The following NSD3 variants were observed in gnomAD, a reference collection of about 807,000 sequenced individuals.
NSD3 encodes nuclear receptor binding SET domain protein 3.
NSD3 carries 24 observed loss-of-function variants against 160.8 expected under a neutral mutation model. That is an observed-to-expected ratio of 0.15 (90% CI 0.11 to 0.21). The LOEUF is 0.21. Ranked by LOEUF, NSD3 falls within the 10% of genes least tolerant of loss-of-function variation. NSD3 has a pLI of 1.00. For missense variants in NSD3, 1,157 were observed against 1,735.9 expected, an observed-to-expected ratio of 0.67 and a Z score of 5.93; for synonymous variants, 520 against 600.0, an observed-to-expected ratio of 0.87 and a Z score of 1.95.
intron 2 of NSD3, among the ~76,000 whole-genome samples, chr8:38,341,005 A>G (rs1006738246): frequency 7.2e-5 from 11 of 152,030 alleles, no homozygotes; most frequent in African/African-American, 2.4e-4. Context: ...CCTAAAAACA[A>G]CAAATGCCTG....
chr8:38,358,030 G>T (rs1466036667), intron 1 of NSD3, among the ~76,000 whole-genome samples: 1 of 151,992 alleles, frequency 6.6e-6, no homozygotes, highest in South Asian at 2.1e-4. Flanking sequence ...AACTTCCAGA[G>T]GGAGTGTTAA....
Position 38,289,422 on chromosome 8 carries a change from T to C in NSD3, c.3202A>G (p.Arg1068Gly), listed in dbSNP as rs758954442. Residue 1068 changes from arginine to glycine, a missense_variant, in exon 18 of 24, where the codon AGA becomes GGA. Physicochemically the swap from Arg to Gly is moderately radical, Grantham distance 125. Coordinates refer to ENST00000317025, the MANE Select transcript of NSD3 (RefSeq NM_023034.2). Reference protein sequence around the residue: ...KEALEIEKNSRKPPPYKHIKA... With the variant: ...KEALEIEKNSGKPPPYKHIKA... ...ATGTGTTTGTAGGGAGGGGGTTTTC[T>C]TGAGTTTTTTTCAATCTCTAGGGCT... 1.2e-6 allele frequency: 2 copies of C among 1,613,790 alleles called. No individual in the cohort carries two copies. The highest frequency in any genetic ancestry group is 2.2e-5 in the East Asian group (1 of 44,874).
intron 7 of NSD3, among the ~76,000 whole-genome samples, chr8:38,322,520 A>C (rs1809814806): frequency 6.6e-6 from 1 of 152,210 alleles, no homozygotes; most frequent in African/African-American, 2.4e-5. Flanking sequence ...AAAAACGAAC[A>C]AAAAAATATT....
At chr8:38,294,702 G>A (rs1262896039) in intron 16 of NSD3, among the ~76,000 whole-genome samples, 10 of 152,130 alleles carry the variant, frequency 6.6e-5, no homozygotes, top group South Asian at 2.1e-4. Flanking sequence ...CTCTGGCCAA[G>A]TGTGGTGGCT....
chr8:38,305,980 ATG>A (rs1265136197), intron 12 of NSD3, among the ~76,000 whole-genome samples: 1 of 152,184 alleles, frequency 6.6e-6, no homozygotes, highest in Admixed American at 6.5e-5. Context: ...AAAGAGAAAA[ATG>A]GAAGCCAAAA....
chr8:38,332,899 G>T (rs190119077), intron 4 of NSD3, among the ~76,000 whole-genome samples: 150 of 152,244 alleles, frequency 9.9e-4, no homozygotes, highest in Non-Finnish European at 1.9e-3. Flanking sequence ...TGCAGGAACT[G>T]ATCTTTTCAG....
intron 14 of NSD3, among the ~76,000 whole-genome samples, chr8:38,300,167 ATATAT>A (rs1809246879): frequency 7.4e-6 from 1 of 134,586 alleles, no homozygotes. Flanking sequence ...TTTATATTAT[ATATAT>A]ATTTTTTGAG....
At chr8:38,361,887 G>A (rs1810976453) in intron 1 of NSD3, among the ~76,000 whole-genome samples, 1 of 151,900 alleles carries the variant, frequency 6.6e-6, no homozygotes, top group Admixed American at 6.6e-5. Context: ...GGCATTTTTG[G>A]CTTAGGAAAC....
At chr8:38,295,218 C>CA (rs1809106667) in intron 16 of NSD3, among the ~76,000 whole-genome samples, 1 of 149,664 alleles carries the variant, frequency 6.7e-6, no homozygotes, top group Non-Finnish European at 1.5e-5. Context: ...CCTTTTATTC[C>CA]AAAATCTAGT....
intron 19 of NSD3, among the ~76,000 whole-genome samples, chr8:38,283,612 G>A (rs577696530): frequency 9.9e-5 from 15 of 152,252 alleles, no homozygotes; most frequent in African/African-American, 3.6e-4. Flanking sequence ...GAAAAGAAAT[G>A]AATGGTTAAA....
intron 14 of NSD3, among the ~76,000 whole-genome samples, chr8:38,300,041 A>T (rs1323102075): frequency 2.6e-5 from 4 of 152,060 alleles, no homozygotes. Context: ...TTTAATGCAG[A>T]ATGGAAGTCT....
Position 38,318,299 on chromosome 8 carries a change from A to C in NSD3, c.1855+596T>G, listed in dbSNP as rs1809716956. Among the ~76,000 whole-genome samples the C allele has an allele frequency of 6.6e-6, 1 of 152,246 alleles. No individual in the cohort carries two copies. Among genetic ancestry groups the C allele is most frequent in the African/African-American group, 2.4e-5 (1 of 41,470 alleles). On this transcript the variant is annotated intron_variant, in intron 9 of 23. Coordinates refer to ENST00000317025, the MANE Select transcript of NSD3 (RefSeq NM_023034.2). The surrounding 1 kb of genome is among the most constrained non-coding windows in gnomAD (Gnocchi z 5.3). Reference sequence around the variant, plus strand: ...GTTTGATCTCACCAAAAACGCACGAATCATGCTATGGAGTTTGTACTGTAG... The same window carrying C: ...GTTTGATCTCACCAAAAACGCACGACTCATGCTATGGAGTTTGTACTGTAG...
At position 38,304,672 on chromosome 8, in the gene NSD3, G is replaced by C. The variant is rs371544403; in HGVS notation, c.2526C>G (p.Ser842=). The C allele has an allele frequency of 4.4e-5, 71 of 1,613,964 alleles. No individual in the cohort carries two copies. Among genetic ancestry groups the C allele is most frequent in the Non-Finnish European group, 5.9e-5 (70 of 1,180,004 alleles). The stretch of plus-strand genomic sequence containing the variant: ...AATGATTACTACAGATGAGAATGTA[G>C]GAGGATACTAACATGCTTCCGGCCG... ...CIAAGSMLVS[S]YILICSNHSK... The change falls in exon 14 of 24, where the codon TCC becomes TCG. Residue 842 remains serine, a synonymous_variant. Transcript: ENST00000317025.
chr8:38,334,767 A>C (rs1402626791), intron 4 of NSD3, among the ~76,000 whole-genome samples: 1 of 151,968 alleles, frequency 6.6e-6, no homozygotes, highest in East Asian at 1.9e-4. Context: ...CAAACAAACA[A>C]ACAAAAAAAA....
At chr8:38,324,490 A>G (rs569484903) in intron 7 of NSD3, among the ~76,000 whole-genome samples, 1 of 152,330 alleles carries the variant, frequency 6.6e-6, no homozygotes, top group African/African-American at 2.4e-5. Flanking sequence ...CCACTCAGTC[A>G]CAGGTTTGCC....
chr8:38,275,625 A>C lies in NSD3; in HGVS notation c.*16T>G, dbSNP rs772685663. The C allele has an allele frequency of 6.8e-6, 11 of 1,605,958 alleles. No homozygotes were observed. The African/African-American group carries it at 9.4e-5, about 14-fold the overall frequency. On this transcript the variant is annotated 3_prime_UTR_variant, in exon 24 of 24. Transcript: ENST00000317025. ...TGCTTTTTTCACTTAAATAGAAAGG[A>C]GGGGACACCACACATTTATTCTTTT... is the stretch of plus-strand genomic sequence containing the variant.
chr8:38,288,760 G>C lies in NSD3; in HGVS notation c.3232-4C>G. On this transcript the variant is annotated splice_polypyrimidine_tract_variant and splice_region_variant and intron_variant, in intron 18 of 23. Transcript: ENST00000317025. The surrounding 1 kb of genome is among the most constrained non-coding windows in gnomAD (Gnocchi z 4.5). The stretch of plus-strand genomic sequence containing the variant: ...CCTTTCCTATTACTTTGTTAGCCTA[G>C]AAAACAAAATCGCAAGCGAGAGAGA... The C allele has an allele frequency of 6.2e-7, 1 of 1,609,848 alleles. No individual in the cohort carries two copies. Among genetic ancestry groups the C allele is most frequent in the Non-Finnish European group, 8.5e-7 (1 of 1,176,386 alleles).
At chr8:38,353,690 C>G (rs955965452) in intron 1 of NSD3, among the ~76,000 whole-genome samples, 1 of 152,142 alleles carries the variant, frequency 6.6e-6, no homozygotes, top group Non-Finnish European at 1.5e-5. Flanking sequence ...ACACAGGAGT[C>G]CATGGAGTGA....
intron 2 of NSD3, among the ~76,000 whole-genome samples, chr8:38,344,240 A>G (rs957684522): frequency 7.9e-5 from 12 of 152,142 alleles, no homozygotes; most frequent in African/African-American, 2.7e-4. Flanking sequence ...TAAGAAAAAA[A>G]GTAGCAGGTG....
Sources: gnomAD v4.1 joint callset for allele counts (sites outside exome capture counted in the v4.1 genomes callset) on GRCh38, gnomAD v4.1.1 for gene constraint, Gnocchi (gnomAD v3.1) non-coding constraint, MANE v1.5 for transcripts, NCBI Gene and HGNC (gene_info 2026-07-23, HGNC 2026-07-21) for gene names.